The following GABRG3 variants were observed in gnomAD, a reference collection of about 807,000 sequenced individuals.
GABRG3 encodes gamma-aminobutyric acid receptor subunit gamma-3.
Under a neutral mutation model 48.8 loss-of-function variants are expected in GABRG3, and 25 were observed. The ratio of observed to expected loss-of-function variants is 0.51; its 90% CI spans 0.37 to 0.72. The LOEUF is 0.72. Among genes scored for constraint, GABRG3 ranks in the 30% least tolerant of loss-of-function variants. GABRG3 has a pLI of 0.00. For missense variants in GABRG3, 394 were observed against 577.9 expected (o/e 0.68, Z 3.26); for synonymous variants, 227 against 217.6 (o/e 1.04, Z -0.38).
chr15:27,133,158 T>C (rs1167582542), intron 3 of GABRG3, among the ~76,000 whole-genome samples: 1 of 151,984 alleles, frequency 6.6e-6, no homozygotes, highest in African/African-American at 2.4e-5. Flanking sequence ...ATTATTGAGA[T>C]TTTTTTCCCT....
At chr15:27,191,490 G>T (rs1020172263) in intron 3 of GABRG3, among the ~76,000 whole-genome samples, 1 of 152,098 alleles carries the variant, frequency 6.6e-6, no homozygotes, top group African/African-American at 2.4e-5. Context: ...GGCCTTCTTT[G>T]TCTCTTTTGA....
intron 3 of GABRG3, among the ~76,000 whole-genome samples, chr15:27,091,909 T>G (rs1897192848): frequency 6.6e-6 from 1 of 152,190 alleles, no homozygotes; most frequent in South Asian, 2.1e-4. Context: ...TCCTTGGTTG[T>G]TATAACCCTG....
chr15:27,112,872 C>A (rs972910276), intron 3 of GABRG3, among the ~76,000 whole-genome samples: 2 of 152,198 alleles, frequency 1.3e-5, no homozygotes, highest in Non-Finnish European at 2.9e-5. Flanking sequence ...TGTTTACAGA[C>A]CTTTTTCCCC....
In GABRG3 at chr15:27,533,092, G is replaced by T; in HGVS notation, c.*211G>T. ...CATACATACACACACACAGCTAATT[G>T]AGTTTTAAAGTAATATTCTTGCTAA... is the stretch of plus-strand genomic sequence containing the variant. On this transcript the variant is annotated 3_prime_UTR_variant, in exon 10 of 10. Transcript: ENST00000615808. 1.2e-5 allele frequency: 6 copies of T among 518,714 alleles called. No individual in the cohort carries two copies. In the South Asian group the frequency reaches 1.7e-4, roughly 15 times the overall value. The allele number at this position is 518,714 out of a possible 1,614,324, so 32.1% of individuals were successfully genotyped here.
intron 3 of GABRG3, among the ~76,000 whole-genome samples, chr15:27,206,122 C>G (rs376502003): frequency 2.6e-5 from 4 of 152,104 alleles, no homozygotes; most frequent in East Asian, 3.9e-4. Context: ...TCTTGTTTTT[C>G]TAGTTCCTCT....
intron 3 of GABRG3, among the ~76,000 whole-genome samples, chr15:27,100,542 G>A (rs1897338078): frequency 6.6e-6 from 1 of 152,088 alleles, no homozygotes; most frequent in African/African-American, 2.4e-5. Context: ...AAACAACAGA[G>A]CAGTTTCTTT....
chr15:27,101,296 TGAAA>T (rs1897352027), intron 3 of GABRG3, among the ~76,000 whole-genome samples: 3 of 152,128 alleles, frequency 2.0e-5, no homozygotes, highest in African/African-American at 7.2e-5. Context: ...AAAATGCAAA[TGAAA>T]GAAAGCAGAG....
chr15:27,227,371 C>T (rs1163150898), intron 3 of GABRG3, among the ~76,000 whole-genome samples: 2 of 151,574 alleles, frequency 1.3e-5, no homozygotes, highest in African/African-American at 2.4e-5. Context: ...GTGGTGTGCA[C>T]CTGTAGTCCT....
At chr15:27,454,979 G>A (rs949606157) in intron 5 of GABRG3, among the ~76,000 whole-genome samples, 4 of 152,154 alleles carry the variant, frequency 2.6e-5, no homozygotes, top group East Asian at 3.9e-4. Flanking sequence ...TTAGCTCTAC[G>A]TGCATTCGTT....
intron 3 of GABRG3, among the ~76,000 whole-genome samples, chr15:27,078,465 A>T (rs183020539): frequency 6.6e-6 from 1 of 152,304 alleles, no homozygotes; most frequent in Admixed American, 6.5e-5. Context: ...GCTATGGAAA[A>T]ATTTCTTTTT....
chr15:27,256,676 C>A (rs991253955), intron 3 of GABRG3, among the ~76,000 whole-genome samples: 1 of 151,964 alleles, frequency 6.6e-6, no homozygotes, highest in Admixed American at 6.6e-5. Flanking sequence ...CTTCTTTAAC[C>A]CCAGGTTAGT....
At chr15:27,036,518 C>A (rs11263698) in intron 3 of GABRG3, among the ~76,000 whole-genome samples, 1 of 151,992 alleles carries the variant, frequency 6.6e-6, no homozygotes, top group African/African-American at 2.4e-5. Flanking sequence ...GGTGAAATAC[C>A]GTCTCTACTA....
At chr15:27,292,849 A>G (rs74005141) in intron 3 of GABRG3, among the ~76,000 whole-genome samples, 3,219 of 152,250 alleles carry the variant, frequency 0.021, 112 homozygotes, top group African/African-American at 0.073. Flanking sequence ...TAAAGGACAA[A>G]AGGAAAAGAA....
intron 3 of GABRG3, among the ~76,000 whole-genome samples, chr15:27,258,912 G>A (rs1029973122): frequency 4.6e-5 from 7 of 151,770 alleles, no homozygotes; most frequent in African/African-American, 1.2e-4. Flanking sequence ...CCTCCAACAC[G>A]CCTTCCCAGC....
chr15:27,092,012 C>G (rs1388131754), intron 3 of GABRG3, among the ~76,000 whole-genome samples: 1 of 152,188 alleles, frequency 6.6e-6, no homozygotes, highest in Non-Finnish European at 1.5e-5. Flanking sequence ...GAGGTCCCTG[C>G]TCCACCACTT....
At position 27,482,550 on chromosome 15, in the gene GABRG3, C is replaced by A. The variant is rs183168088; in HGVS notation, c.712+1763C>A. ...TTAAAGGATCCCTCTCAGATAAATG[C>A]CCTTTTATAGGCAAATGTTATTCCT... On this transcript the variant is annotated intron_variant, in intron 6 of 9. Transcript: ENST00000615808. Among the ~76,000 whole-genome samples the A allele has an allele frequency of 1.5e-3, 234 of 152,322 alleles. 1 individual carries two copies. Among genetic ancestry groups the A allele is most frequent in the Non-Finnish European group, 1.9e-3 (132 of 68,040 alleles).
intron 5 of GABRG3, among the ~76,000 whole-genome samples, chr15:27,381,451 A>G (rs963862636): frequency 1.3e-5 from 2 of 152,208 alleles, no homozygotes; most frequent in Non-Finnish European, 2.9e-5. Context: ...GACTCCTTGG[A>G]GTTTTTAACT....
chr15:27,492,037 A>G (rs1360596128), intron 6 of GABRG3, among the ~76,000 whole-genome samples: 2 of 152,202 alleles, frequency 1.3e-5, no homozygotes, highest in Non-Finnish European at 1.5e-5. Context: ...CTTTCATACC[A>G]AAAGCCTTTG....
chr15:27,286,916 G>A (rs1308690671), intron 3 of GABRG3, among the ~76,000 whole-genome samples: 2 of 152,094 alleles, frequency 1.3e-5, no homozygotes, highest in African/African-American at 2.4e-5. Flanking sequence ...CCACAGTGTC[G>A]GTCTAGAACT....
Sources: gnomAD v4.1 joint callset for allele counts (sites outside exome capture counted in the v4.1 genomes callset) on GRCh38, gnomAD v4.1.1 for gene constraint, MANE v1.5 for transcripts, NCBI Gene and HGNC (gene_info 2026-07-23, HGNC 2026-07-21) for gene names.